Variants in ARHGAP31 observed in about 807,000 individuals in gnomAD.
ARHGAP31 encodes rho GTPase-activating protein 31.
In ARHGAP31, 34 loss-of-function variants were observed where a neutral mutation model predicts 113.9. The ratio of observed to expected loss-of-function variants is 0.30; its 90% CI spans 0.23 to 0.40. The LOEUF (loss-of-function observed/expected upper bound fraction) is 0.40, where lower values mean the gene tolerates loss of function less well. Ranked by LOEUF, ARHGAP31 falls within the 10% of genes least tolerant of loss-of-function variation. The pLI is 1.00. For synonymous variants in ARHGAP31, 650 were observed against 684.8 expected (o/e 0.95, Z 0.79); for missense variants, 1,548 against 1,767.1 (o/e 0.88, Z 2.22).
At chr3:119,300,876 C>G (rs2079578388) in intron 1 of ARHGAP31, among the ~76,000 whole-genome samples, 1 of 145,302 alleles carries the variant, frequency 6.9e-6, no homozygotes, top group African/African-American at 2.5e-5. Flanking sequence ...GAAAGAAAGA[C>G]ACAGCCTCAG....
chr3:119,401,288 G>A (rs531453033), intron 9 of ARHGAP31, among the ~76,000 whole-genome samples: 3 of 152,276 alleles, frequency 2.0e-5, no homozygotes, highest in South Asian at 2.1e-4. Flanking sequence ...AGGTGGGGAA[G>A]GTCTAGTTGT....
chr3:119,373,592 T>C (rs1041539332), intron 3 of ARHGAP31, among the ~76,000 whole-genome samples: 4 of 152,148 alleles, frequency 2.6e-5, no homozygotes, highest in African/African-American at 9.7e-5. Flanking sequence ...GCCTCCTGAG[T>C]AGCTGGGATT....
At chr3:119,386,558 A>T (rs1349851728) in intron 6 of ARHGAP31, among the ~76,000 whole-genome samples, 1 of 152,362 alleles carries the variant, frequency 6.6e-6, no homozygotes, top group East Asian at 1.9e-4. Flanking sequence ...CCAGCCCTAC[A>T]GGGTCAGTGG....
In ARHGAP31 at chr3:119,390,973, C is replaced by G; in HGVS notation, c.871C>G (p.Pro291Ala). 1.9e-6 allele frequency: 3 copies of G among 1,614,062 alleles called. No individual in the cohort carries two copies. Among genetic ancestry groups the G allele is most frequent in the Admixed American group, 1.7e-5 (1 of 60,018 alleles). Residue 291 changes from proline (P) to alanine (A), a missense_variant, in exon 7 of 12, where the codon CCA becomes GCA. Physicochemically the swap from Pro to Ala is conservative, Grantham distance 27. Coordinates refer to ENST00000264245, the MANE Select transcript of ARHGAP31 (RefSeq NM_020754.4). ...CCTCTTCCACACTGTCCTTGAGTTA[C>G]CAGACAACAAGTAAGTGGCACTCTT... is the stretch of plus-strand genomic sequence containing the variant. ...GTLFHTVLEL[P>A]DNKRKLSSKS...
chr3:119,376,811 C>T (rs906983569), intron 3 of ARHGAP31, among the ~76,000 whole-genome samples: 2 of 151,306 alleles, frequency 1.3e-5, no homozygotes, highest in Admixed American at 6.6e-5. Context: ...CACCTTGCAA[C>T]AGGCAAAGTC....
At chr3:119,327,844 T>C (rs1487525429) in intron 1 of ARHGAP31, among the ~76,000 whole-genome samples, 1 of 152,234 alleles carries the variant, frequency 6.6e-6, no homozygotes, top group Non-Finnish European at 1.5e-5. Flanking sequence ...ACAGTGCATA[T>C]TGAATTGAAT....
At chr3:119,324,900 G>A (rs971988267) in intron 1 of ARHGAP31, 3 of 456,164 alleles carry the variant, frequency 6.6e-6, no homozygotes, top group Non-Finnish European at 1.3e-5. Context: ...TTGCAGATCA[G>A]CGGAATGGCT....
chr3:119,365,288 A>T, intron 1 of ARHGAP31, 28 bp from the exon 2 acceptor site: 1 of 1,578,842 alleles, frequency 6.3e-7, no homozygotes, highest in Non-Finnish European at 8.7e-7. Context: ...TCTAATACTT[A>T]ATTGTTTTTT....
At chr3:119,378,138 C>T (rs764902550) in intron 3 of ARHGAP31, among the ~76,000 whole-genome samples, 2 of 152,066 alleles carry the variant, frequency 1.3e-5, no homozygotes, top group African/African-American at 2.4e-5. Context: ...AAGATTTAAC[C>T]ATTAGCCATC....
intron 1 of ARHGAP31, among the ~76,000 whole-genome samples, chr3:119,307,939 G>GAAAA (rs1559961514): frequency 6.1e-4 from 1 of 1,648 alleles, no homozygotes; most frequent in Non-Finnish European, 1.3e-3. Flanking sequence ...TGAATTAACA[G>GAAAA]CAAAAAAAAA....
intron 3 of ARHGAP31, among the ~76,000 whole-genome samples, chr3:119,380,460 A>C (rs2080386470): frequency 6.6e-6 from 1 of 152,010 alleles, no homozygotes; most frequent in Non-Finnish European, 1.5e-5. Flanking sequence ...CTATGTCGCT[A>C]GACTAGATCC....
At position 119,365,408 on chromosome 3, in the gene ARHGAP31, C is replaced by A; in HGVS notation, c.193C>A (p.Gln65Lys). 6.2e-7 allele frequency: 1 copy of A among 1,613,692 alleles called. No homozygotes were observed. The highest frequency in any genetic ancestry group is 8.5e-7 in the Non-Finnish European group (1 of 1,179,688). Residue 65 changes from glutamine to lysine, a missense_variant, in exon 2 of 12, where the codon CAA becomes AAA. Physicochemically the swap from Gln to Lys is moderately conservative, Grantham distance 53 (BLOSUM62 1). Coordinates refer to ENST00000264245, the MANE Select transcript of ARHGAP31 (RefSeq NM_020754.4). ...GCTTTCAGGAGTCACCTCAAACATA[C>A]AACGGCTAAGGTAAGCTAAAAGAAT... ...YRLSGVTSNIQRLRQEFGSDQ... is the reference protein window; with the variant it reads ...YRLSGVTSNIKRLRQEFGSDQ...
At chr3:119,400,146 C>A (rs1300689910) in intron 9 of ARHGAP31, among the ~76,000 whole-genome samples, 1 of 152,152 alleles carries the variant, frequency 6.6e-6, no homozygotes, top group Non-Finnish European at 1.5e-5. Flanking sequence ...TAATTCTAAA[C>A]CCGGGCCGGG....
In ARHGAP31 at chr3:119,400,015, T is replaced by A. The variant is rs551009031; in HGVS notation, c.1069+754T>A. 4.1e-3 allele frequency among the ~76,000 whole-genome samples: 626 copies of A among 152,372 alleles called. 1 individual carries two copies. Among genetic ancestry groups the A allele is most frequent in the South Asian group, 8.9e-3 (43 of 4,832 alleles). The stretch of plus-strand genomic sequence containing the variant: ...AAAGGACTTGTCTGGCAACAGACTG[T>A]TAAAACTCCCCTATACTTATCCCAT... On this transcript the variant is annotated intron_variant, in intron 9 of 11. Coordinates refer to ENST00000264245, the MANE Select transcript of ARHGAP31 (RefSeq NM_020754.4).
At chr3:119,347,191 C>A (rs543186727) in intron 1 of ARHGAP31, among the ~76,000 whole-genome samples, 10 of 152,290 alleles carry the variant, frequency 6.6e-5, no homozygotes, top group African/African-American at 2.4e-4. Flanking sequence ...CTGGGCCCAG[C>A]CTTTTCTTCC....
At chr3:119,383,681 A>G (rs2080423257) in intron 6 of ARHGAP31, among the ~76,000 whole-genome samples, 1 of 152,178 alleles carries the variant, frequency 6.6e-6, no homozygotes, top group South Asian at 2.1e-4. Flanking sequence ...GCATGTTCAT[A>G]CTCACACATA....
At position 119,380,920 on chromosome 3, in the gene ARHGAP31, G is replaced by A. The variant is rs202229113; in HGVS notation, c.365G>A (p.Cys122Tyr). Residue 122 changes from cysteine (C) to tyrosine (Y), a missense_variant, in exon 4 of 12, where the codon TGC becomes TAC. By Grantham distance (194) the Cys-to-Tyr change is radical. Transcript: ENST00000264245. ...TCTCCACAGGAGGCAGTGTCGCATT[G>A]CCCTGAAGAAGGCCAACTGGCCCGA... ...YEKFTEAVSH[C>Y]PEEGQLARIQ... 8 of 1,614,132 alleles carry A rather than the reference G, an allele frequency of 5.0e-6. No homozygotes were observed. The Admixed American group carries it at 6.7e-5, about 13-fold the overall frequency.
intron 1 of ARHGAP31, among the ~76,000 whole-genome samples, chr3:119,338,841 A>G (rs76244009): frequency 0.019 from 2,858 of 152,324 alleles, 80 homozygotes; most frequent in African/African-American, 0.064. Flanking sequence ...GATGTCAGAT[A>G]TGCTAGGCCT....
intron 8 of ARHGAP31, 25 bp from the exon 9 acceptor site, chr3:119,399,174 A>G (rs1481175199): frequency 2.5e-6 from 4 of 1,605,952 alleles, no homozygotes; most frequent in South Asian, 2.2e-5. Flanking sequence ...GCATTCATCA[A>G]GGATATTTTT....
Sources: gnomAD v4.1 joint callset for allele counts (sites outside exome capture counted in the v4.1 genomes callset) on GRCh38, gnomAD v4.1.1 for gene constraint, MANE v1.5 for transcripts, NCBI Gene and HGNC (gene_info 2026-07-23, HGNC 2026-07-21) for gene names.